The following FOXJ3 variants were observed in gnomAD, a reference collection of about 807,000 sequenced individuals.
FOXJ3 encodes the protein forkhead box J3.
FOXJ3 carries 22 observed loss-of-function variants against 76.1 expected under a neutral mutation model. The observed-to-expected ratio is 0.29, with a 90% CI of 0.21 to 0.41. The LOEUF (loss-of-function observed/expected upper bound fraction) is 0.41. FOXJ3 is among the 10% of genes least tolerant of loss of function. FOXJ3 has a pLI of 1.00. For missense variants in FOXJ3, 613 were observed against 762.1 expected, an observed-to-expected ratio of 0.80 and a Z score of 2.30; for synonymous variants, 269 against 261.2, an observed-to-expected ratio of 1.03 and a Z score of -0.29.
intron 2 of FOXJ3, among the ~76,000 whole-genome samples, chr1:42,281,030 T>G (rs1652671593): frequency 6.6e-6 from 1 of 152,176 alleles, no homozygotes; most frequent in Non-Finnish European, 1.5e-5. Flanking sequence ...AATTGGAATA[T>G]AATTGTTATT....
chr1:42,214,343 A>C (rs182148761), intron 5 of FOXJ3, among the ~76,000 whole-genome samples: 2 of 152,340 alleles, frequency 1.3e-5, no homozygotes, highest in Non-Finnish European at 2.9e-5. Flanking sequence ...TCTGATCGGT[A>C]AAGCCAATAG....
intron 4 of FOXJ3, among the ~76,000 whole-genome samples, chr1:42,246,404 A>C (rs1459728449): frequency 1.3e-5 from 2 of 152,186 alleles, no homozygotes; most frequent in Admixed American, 6.5e-5. Flanking sequence ...AAGGCATACA[A>C]ATGGCCAAGA....
At chr1:42,249,404 G>A (rs1325008621) in intron 4 of FOXJ3, among the ~76,000 whole-genome samples, 1 of 152,280 alleles carries the variant, frequency 6.6e-6, no homozygotes, top group Non-Finnish European at 1.5e-5. Flanking sequence ...TCACCTACAT[G>A]AAGGTTAAGA....
chr1:42,239,435 T>C (rs920856397), intron 4 of FOXJ3, among the ~76,000 whole-genome samples: 1 of 152,204 alleles, frequency 6.6e-6, no homozygotes, highest in Non-Finnish European at 1.5e-5. Flanking sequence ...AGTGTTAACC[T>C]TGGTCAAATA....
At chr1:42,258,111 T>C (rs765336620) in intron 4 of FOXJ3, among the ~76,000 whole-genome samples, 19 of 152,236 alleles carry the variant, frequency 1.2e-4, no homozygotes, top group Admixed American at 3.3e-4. Flanking sequence ...GGAATCATCA[T>C]AGACAATTCT....
At chr1:42,303,171 T>A (rs776017505) in intron 2 of FOXJ3, among the ~76,000 whole-genome samples, 1 of 152,196 alleles carries the variant, frequency 6.6e-6, no homozygotes, top group Non-Finnish European at 1.5e-5. Flanking sequence ...TAGAGTTAAA[T>A]GGTTAAAGCA....
At chr1:42,247,846 C>T (rs932053263) in intron 4 of FOXJ3, among the ~76,000 whole-genome samples, 1 of 152,152 alleles carries the variant, frequency 6.6e-6, no homozygotes, top group Non-Finnish European at 1.5e-5. Context: ...AAAGTACAAA[C>T]AATCTAAATG....
chr1:42,199,402 A>G (rs1164216072), intron 6 of FOXJ3, among the ~76,000 whole-genome samples, 172 bp from the exon 7 acceptor site: 1 of 152,218 alleles, frequency 6.6e-6, no homozygotes, highest in African/African-American at 2.4e-5. Flanking sequence ...TCATCATAAA[A>G]TAATTTTCTC....
chr1:42,278,983 C>T (rs1652495395), intron 2 of FOXJ3, among the ~76,000 whole-genome samples: 1 of 152,080 alleles, frequency 6.6e-6, no homozygotes, highest in Admixed American at 6.5e-5. Context: ...TTTAAGAGGG[C>T]AACAGGATCT....
chr1:42,319,496 G>A (rs1029093694), intron 1 of FOXJ3, among the ~76,000 whole-genome samples: 1 of 152,184 alleles, frequency 6.6e-6, no homozygotes, highest in Admixed American at 6.5e-5. Context: ...TTAGCAGTAA[G>A]AGAAAAAGTA....
chr1:42,280,939 G>A (rs1652662252), intron 2 of FOXJ3, among the ~76,000 whole-genome samples: 1 of 152,070 alleles, frequency 6.6e-6, no homozygotes, highest in African/African-American at 2.4e-5. Flanking sequence ...CCTCAATCAA[G>A]TCTCCATGGA....
intron 1 of FOXJ3, among the ~76,000 whole-genome samples, chr1:42,328,398 CT>C: frequency 6.6e-6 from 1 of 152,334 alleles, no homozygotes; most frequent in East Asian, 1.9e-4. Context: ...AACAGTTCCT[CT>C]TATTGCACTC....
At chr1:42,317,203 C>T (rs1655168146) in intron 1 of FOXJ3, among the ~76,000 whole-genome samples, 1 of 152,002 alleles carries the variant, frequency 6.6e-6, no homozygotes, top group African/African-American at 2.4e-5. Context: ...ATTCAAGAAA[C>T]TTGACTGAAC....
At chr1:42,186,732 A>C (rs1455811735) in intron 11 of FOXJ3, among the ~76,000 whole-genome samples, 1 of 152,176 alleles carries the variant, frequency 6.6e-6, no homozygotes, top group Non-Finnish European at 1.5e-5. Context: ...CAAAACTACC[A>C]AGTTCCAAGA....
At chr1:42,251,419 T>C (rs181728242) in intron 4 of FOXJ3, among the ~76,000 whole-genome samples, 2 of 152,166 alleles carry the variant, frequency 1.3e-5, no homozygotes, top group East Asian at 3.9e-4. Flanking sequence ...CCTATAGAAT[T>C]TGTTGCCTGC....
intron 7 of FOXJ3, among the ~76,000 whole-genome samples, chr1:42,196,791 T>TC (rs1385801372): frequency 6.6e-6 from 1 of 152,230 alleles, no homozygotes; most frequent in Admixed American, 6.5e-5. Flanking sequence ...GCTGTGTCTG[T>TC]CATCTAGTTC....
intron 5 of FOXJ3, among the ~76,000 whole-genome samples, chr1:42,221,121 T>C (rs1239973922): frequency 6.6e-6 from 1 of 152,226 alleles, no homozygotes; most frequent in African/African-American, 2.4e-5. Context: ...AGAAGACACA[T>C]CTGCCTCAGC....
In FOXJ3 at chr1:42,221,999, GGGAGGA is replaced by G. The variant is rs1276015222; in HGVS notation, c.528+5878_528+5883del. 2.4e-3 allele frequency among the ~76,000 whole-genome samples: 8 copies of G among 3,350 alleles called. 1 individual carries two copies. The highest frequency in any genetic ancestry group is 4.2e-3 in the Non-Finnish European group (7 of 1,648). 2.2% of individuals were successfully genotyped at this position (3,350 alleles called of 152,430 possible). A position where few individuals can be genotyped will look rare whatever the true frequency, so the allele number is the denominator to read the frequency against. On this transcript the variant is annotated intron_variant, in intron 5 of 12. Coordinates refer to ENST00000361346, the MANE Select transcript of FOXJ3 (RefSeq NM_014947.5). ...GGGGAGGGGGAGGGGGAGGGGGAGG[GGGAGGA>G]GGAGGAGAAGGAGAAGGGGGAGGGG...
chr1:42,220,013 G>C (rs1195439479), intron 5 of FOXJ3, among the ~76,000 whole-genome samples: 1 of 152,148 alleles, frequency 6.6e-6, no homozygotes, highest in Non-Finnish European at 1.5e-5. Flanking sequence ...TAAATGTTCA[G>C]ACAGTTTACA....
Sources: gnomAD v4.1 joint callset for allele counts (sites outside exome capture counted in the v4.1 genomes callset) on GRCh38, gnomAD v4.1.1 for gene constraint, MANE v1.5 for transcripts, NCBI Gene and HGNC (gene_info 2026-07-23, HGNC 2026-07-21) for gene names.